The following RSF1 variants were observed in gnomAD, a reference collection of about 807,000 sequenced individuals.
The protein encoded by RSF1 is HBV pX-associated protein 8.
In RSF1, 13 loss-of-function variants were observed where a neutral mutation model predicts 145.2. The observed-to-expected ratio is 0.09, with a 90% CI of 0.06 to 0.14. The LOEUF is 0.14. Among genes scored for constraint, RSF1 ranks in the 10% least tolerant of loss-of-function variants. The pLI is 1.00. For synonymous variants in RSF1, 577 were observed against 592.6 expected (o/e 0.97, Z 0.38); for missense variants, 1,517 against 1,718.2 (o/e 0.88, Z 2.07).
chr11:77,820,740 G>T, upstream of RSF1: 7 of 1,534,644 alleles, frequency 4.6e-6, no homozygotes, highest in Non-Finnish European at 6.1e-6. Flanking sequence ...GGAGGAGGAG[G>T]CGATGGGGGG....
intron 5 of RSF1, among the ~76,000 whole-genome samples, chr11:77,722,866 A>G (rs1326054725): frequency 6.6e-6 from 1 of 152,194 alleles, no homozygotes; most frequent in Non-Finnish European, 1.5e-5. Context: ...CTTACCTAGA[A>G]AAAGTTTGTT....
the RSF1 span, among the ~76,000 whole-genome samples, chr11:77,837,260 C>T: frequency 2.7e-4 from 41 of 151,532 alleles, no homozygotes; most frequent in African/African-American, 8.7e-4. Context: ...CTCAGTCTAC[C>T]GAGTAGCTGG....
At chr11:77,824,466 T>G (rs1262220762), upstream of RSF1, among the ~76,000 whole-genome samples, 1 of 152,196 alleles carries the variant, frequency 6.6e-6, no homozygotes, top group African/African-American at 2.4e-5. Context: ...TAACGGCTAA[T>G]TTATTAAAAA....
intron 4 of RSF1, among the ~76,000 whole-genome samples, chr11:77,729,895 CAAAAAAAAAA>C (rs398045289): frequency 2.2e-4 from 11 of 48,936 alleles, no homozygotes; most frequent in East Asian, 7.5e-4. Context: ...ATTCAGTAGG[CAAAAAAAAAA>C]AAAAAAAAAA....
upstream of RSF1, chr11:77,821,031 G>T (rs1304441944): frequency 4.1e-6 from 2 of 482,648 alleles, no homozygotes; most frequent in Non-Finnish European, 7.3e-6. Flanking sequence ...AAGCGGGGCG[G>T]GGAGGCGGGC....
upstream of RSF1, among the ~76,000 whole-genome samples, chr11:77,823,055 A>AT (rs1948994671): frequency 2.0e-5 from 3 of 152,086 alleles, no homozygotes; most frequent in Non-Finnish European, 4.4e-5. Flanking sequence ...TCTACTAAAA[A>AT]TACAAAAAAT....
Position 77,672,109 on chromosome 11 carries a change from C to T in RSF1, c.3684G>A (p.Lys1228=). 6.2e-7 allele frequency: 1 copy of T among 1,614,114 alleles called. No homozygotes were observed. The highest frequency in any genetic ancestry group is 1.7e-5 in the Admixed American group (1 of 60,016). ...KEDSESDGSQ[K]SLRRGKEIRR... ...TTATTTCTTTACCACGTCGCAAACT[C>T]TTCTGGGAACCGTCACTTTCTGAGT... Residue 1228 remains lysine (K), a synonymous_variant, in exon 15 of 16, where the codon AAG becomes AAA. Transcript: ENST00000308488.
chr11:77,759,646 T>C (rs1050822580), intron 2 of RSF1, among the ~76,000 whole-genome samples: 1 of 152,128 alleles, frequency 6.6e-6, no homozygotes, highest in Non-Finnish European at 1.5e-5. Flanking sequence ...ATTGTGCCAC[T>C]GCACTCACTC....
chr11:77,686,895 T>C (rs1960025117), intron 9 of RSF1, among the ~76,000 whole-genome samples: 1 of 152,170 alleles, frequency 6.6e-6, no homozygotes, highest in Non-Finnish European at 1.5e-5. Flanking sequence ...AGGTACCCAA[T>C]ACATGTTGCT....
intron 1 of RSF1, among the ~76,000 whole-genome samples, chr11:77,776,004 G>GACTC (rs745686335): frequency 5.3e-5 from 8 of 152,096 alleles, no homozygotes; most frequent in Non-Finnish European, 1.0e-4. Context: ...TGATCTCCTG[G>GACTC]ACTCAAGTGA....
intron 5 of RSF1, among the ~76,000 whole-genome samples, chr11:77,717,050 T>A (rs1426296814): frequency 6.6e-6 from 1 of 151,488 alleles, no homozygotes; most frequent in Non-Finnish European, 1.5e-5. Flanking sequence ...TGGTGGCTTG[T>A]GCCTGTAGGC....
intron 1 of RSF1, among the ~76,000 whole-genome samples, chr11:77,817,087 C>A (rs1357564586): frequency 6.6e-6 from 1 of 152,148 alleles, no homozygotes; most frequent in Non-Finnish European, 1.5e-5. Flanking sequence ...ATGATAGTTT[C>A]TAGAGCAAAG....
At chr11:77,867,722 C>T in the RSF1 span, among the ~76,000 whole-genome samples, 1 of 152,188 alleles carries the variant, frequency 6.6e-6, no homozygotes, top group South Asian at 2.1e-4. Context: ...CTCCCATATC[C>T]CCTTTGCTGA....
At chr11:77,843,630 TA>T in the RSF1 span, among the ~76,000 whole-genome samples, 6 of 152,042 alleles carry the variant, frequency 3.9e-5, no homozygotes, top group Admixed American at 6.6e-5. Flanking sequence ...CTGGCTTCTA[TA>T]AAAAAAATTG....
chr11:77,701,464 C>G lies in RSF1; in HGVS notation c.1765G>C (p.Glu589Gln). 6.2e-7 allele frequency: 1 copy of G among 1,614,106 alleles called. No individual in the cohort carries two copies. Among genetic ancestry groups the G allele is most frequent in the African/African-American group, 1.3e-5 (1 of 75,040 alleles). The stretch of plus-strand genomic sequence containing the variant: ...TCAAGAAAAGTCTTTTTGGACTTCT[C>G]TAACTTTTCAAGACATTCTAGGATT... ...PPILECLEKL[E>Q]KSKKTFLDKD... Residue 589 changes from glutamate (E) to glutamine (Q), a missense_variant, in exon 6 of 16, where the codon GAG (glutamate) becomes CAG (glutamine). Glu to Gln is a conservative substitution (Grantham distance 29, BLOSUM62 2). Around this residue, in one of 12 missense-constraint regions of RSF1, gnomAD observed 579 missense variants for 553.5 expected, o/e 1.05. Transcript: ENST00000308488.
the RSF1 span, among the ~76,000 whole-genome samples, chr11:77,828,046 G>A: frequency 1.3e-5 from 2 of 152,286 alleles, no homozygotes; most frequent in East Asian, 1.9e-4. Context: ...GGCGAGGTAG[G>A]TGGATCACTT....
At chr11:77,734,727 C>G in intron 4 of RSF1, 1 of 1,450,062 alleles carries the variant, frequency 6.9e-7, no homozygotes, top group South Asian at 1.1e-5. Context: ...CACACTCCAT[C>G]ACATTCAGCC....
Position 77,701,689 on chromosome 11 carries a change from C to T in RSF1, c.1540G>A (p.Asp514Asn). Residue 514 changes from aspartate (D) to asparagine (N), a missense_variant, in exon 6 of 16, where the codon GAT becomes AAT. Around this residue, in one of 12 missense-constraint regions of RSF1, gnomAD observed 579 missense variants for 553.5 expected, o/e 1.05. Transcript: ENST00000308488. Reference sequence around the variant, plus strand: ...ATCTCTAAGACTGATATTGAACTATCTGCATCTTTCCTCAAAGGGGCTGTT... The same window carrying T: ...ATCTCTAAGACTGATATTGAACTATTTGCATCTTTCCTCAAAGGGGCTGTT... Reference protein sequence around the residue: ...KETAPLRKDADSSISVLEIHS... With the variant: ...KETAPLRKDANSSISVLEIHS... 6.2e-7 allele frequency: 1 copy of T among 1,613,964 alleles called. No individual in the cohort carries two copies. The highest frequency in any genetic ancestry group is 8.5e-7 in the Non-Finnish European group (1 of 1,179,990).
the RSF1 span, among the ~76,000 whole-genome samples, chr11:77,863,025 G>C: frequency 0.014 from 2,200 of 152,218 alleles, 17 homozygotes; most frequent in Middle Eastern, 0.024. Context: ...CTAATGTGGT[G>C]GTGGGCCGCT....
Sources: allele counts gnomAD v4.1 joint callset (sites outside exome capture counted in the v4.1 genomes callset), GRCh38; gene constraint gnomAD v4.1.1; regional missense constraint gnomAD v4.1.1; transcripts MANE v1.5; gene names NCBI Gene and HGNC (gene_info 2026-07-23, HGNC 2026-07-21).